Variants in U2SURP observed in about 807,000 individuals in gnomAD.
U2SURP encodes U2 snRNP associated SURP domain containing, also known as U2 snRNP-associated SURP motif-containing protein.
A neutral mutation model predicts 144.9 loss-of-function variants in U2SURP; 9 were observed. The ratio of observed to expected loss-of-function variants is 0.06; its 90% CI spans 0.04 to 0.11. The LOEUF is 0.11. Ranked by LOEUF, U2SURP falls within the 10% of genes least tolerant of loss-of-function variation. The pLI is 1.00. For missense variants in U2SURP, 724 were observed against 1,226.7 expected, an observed-to-expected ratio of 0.59 and a Z score of 6.12; for synonymous variants, 408 against 396.8, an observed-to-expected ratio of 1.03 and a Z score of -0.33.
At chr3:143,010,968 C>T in intron 2 of U2SURP, 109 bp downstream of exon 2, 9 of 755,138 alleles carry the variant, frequency 1.2e-5, no homozygotes, top group Admixed American at 3.5e-5. Context: ...ATTGTATGTG[C>T]TTTTTTCTTT....
intron 4 of U2SURP, among the ~76,000 whole-genome samples, chr3:143,015,738 A>G (rs1936339919): frequency 6.6e-6 from 1 of 152,010 alleles, no homozygotes; most frequent in African/African-American, 2.4e-5. Context: ...TTCTGTTCAT[A>G]CATGTTTTGG....
intron 16 of U2SURP, among the ~76,000 whole-genome samples, chr3:143,030,153 T>A (rs1933396481): frequency 6.6e-6 from 1 of 152,240 alleles, no homozygotes; most frequent in African/African-American, 2.4e-5. Context: ...CTAAATCACA[T>A]TGTCAGTGTA....
At chr3:143,009,320 G>A (rs1366952228) in intron 1 of U2SURP, among the ~76,000 whole-genome samples, 3 of 152,040 alleles carry the variant, frequency 2.0e-5, no homozygotes, top group East Asian at 1.9e-4. Flanking sequence ...AGATGGGGCC[G>A]GGTGCGGTCG....
chr3:143,030,226 G>C (rs1933401329), intron 16 of U2SURP, among the ~76,000 whole-genome samples: 1 of 152,216 alleles, frequency 6.6e-6, no homozygotes, highest in African/African-American at 2.4e-5. Flanking sequence ...GAGAGGGGAA[G>C]TCACTGCCTG....
rs1272904360 is a variant in U2SURP, at chr3:143,014,411, TAATGTTGAA to T, written c.321+8_321+16del. 6.3e-7 allele frequency: 1 copy of T among 1,582,012 alleles called. No individual in the cohort carries two copies. The highest frequency in any genetic ancestry group is 1.4e-5 in the African/African-American group (1 of 73,914). On this transcript the variant is annotated splice_donor_5th_base_variant and intron_variant, in intron 4 of 27. Coordinates refer to ENST00000473835, the MANE Select transcript of U2SURP (RefSeq NM_001080415.2). ...GAACAGGAAGAATTAAAGAAAAAGG[TAATGTTGAA>T]AATGTATTTTGAATTATCCTTGGAA...
At chr3:143,013,011 T>G (rs1283618658) in intron 3 of U2SURP, among the ~76,000 whole-genome samples, 1 of 152,166 alleles carries the variant, frequency 6.6e-6, no homozygotes, top group East Asian at 1.9e-4. Flanking sequence ...GATTTATTTT[T>G]ATAAGAATCC....
At position 143,025,983 on chromosome 3, in the gene U2SURP, A is replaced by G. The variant is rs1047796160; in HGVS notation, c.1275-1166A>G. On this transcript the variant is annotated intron_variant, in intron 13 of 27. Coordinates refer to ENST00000473835, the MANE Select transcript of U2SURP (RefSeq NM_001080415.2). ...TATTTATTTACATTCTAGCAGTTAT[A>G]TGAACGTAATTTGAGCTGGGAATGC... 2.6e-5 allele frequency: 4 copies of G among 152,162 alleles called. No homozygotes were observed. The South Asian group carries it at 6.2e-4, about 24-fold the overall frequency. The allele number at this position is 152,162 out of a possible 1,614,324, so 9.4% of individuals were successfully genotyped here. A position where few individuals can be genotyped will look rare whatever the true frequency, so the allele number is the denominator to read the frequency against.
chr3:143,007,257 A>G (rs935498682), intron 1 of U2SURP, among the ~76,000 whole-genome samples: 1 of 150,346 alleles, frequency 6.7e-6, no homozygotes, highest in African/African-American at 2.5e-5. Context: ...CTGCCTTTTC[A>G]CTTCTTCCTT....
At chr3:143,039,599 A>ATTT (rs10706682) in intron 23 of U2SURP, among the ~76,000 whole-genome samples, 3 of 136,792 alleles carry the variant, frequency 2.2e-5, no homozygotes, top group Admixed American at 7.3e-5. Flanking sequence ...AGGGAGTTGA[A>ATTT]TTTTTTTTTT....
chr3:143,047,826 C>T lies in U2SURP; in HGVS notation c.2545-3113C>T, dbSNP rs573496383. Among the ~76,000 whole-genome samples the T allele has an allele frequency of 8.0e-4, 91 of 113,188 alleles. 2 individuals are homozygous for T. Among genetic ancestry groups the T allele is most frequent in the Admixed American group, 6.5e-3 (73 of 11,158 alleles). The allele number at this position is 113,188 out of a possible 152,430, so 74.3% of individuals were successfully genotyped here. A position where few individuals can be genotyped will look rare whatever the true frequency, so the allele number is the denominator to read the frequency against. ...GCTCCTCACTTCCCAGTAGGGGCGGCCGGGCAGAGGAGCCCCTCACCTCCC... is the reference window on the plus strand; with the variant it reads ...GCTCCTCACTTCCCAGTAGGGGCGGTCGGGCAGAGGAGCCCCTCACCTCCC... On this transcript the variant is annotated intron_variant, in intron 24 of 27. Transcript: ENST00000473835.
In U2SURP at chr3:143,038,831, T is replaced by C. The variant is rs527457242; in HGVS notation, c.2318-63T>C. On this transcript the variant is annotated intron_variant, in intron 22 of 27. Transcript: ENST00000473835. ...TCAATTCTAAAGCTTGAGCTTCCAC[T>C]GTACTACTGAAAAAATGCTAGTTTA... 167 of 1,219,732 alleles carry C rather than the reference T, an allele frequency of 1.4e-4. No individual in the cohort carries two copies. The Middle Eastern group carries it at 1.5e-3, about 11-fold the overall frequency. 75.6% of individuals were successfully genotyped at this position (1,219,732 alleles called of 1,614,324 possible). A position where few individuals can be genotyped will look rare whatever the true frequency, so the allele number is the denominator to read the frequency against.
chr3:143,046,440 T>G (rs549561963), intron 24 of U2SURP, among the ~76,000 whole-genome samples: 8 of 135,306 alleles, frequency 5.9e-5, no homozygotes, highest in Non-Finnish European at 9.4e-5. Context: ...CAAAGGTCTC[T>G]GGTTTTCCTA....
chr3:143,010,689 TC>T (rs2108271464), intron 1 of U2SURP, 125 bp from the exon 2 acceptor site: 1 of 537,130 alleles, frequency 1.9e-6, no homozygotes, highest in African/African-American at 1.9e-5. Context: ...CTGCCTTTGC[TC>T]AGTTTTATTA....
At chr3:143,031,055 TTAGAAG>T (rs1933454397) in intron 16 of U2SURP, among the ~76,000 whole-genome samples, 3 of 152,096 alleles carry the variant, frequency 2.0e-5, no homozygotes, top group Non-Finnish European at 4.4e-5. Flanking sequence ...GGAACTAGAA[TTAGAAG>T]TAGAGCTCAA....
intron 16 of U2SURP, among the ~76,000 whole-genome samples, chr3:143,031,423 G>GCTGCCACCA (rs1560191135): frequency 7.2e-6 from 1 of 138,512 alleles, no homozygotes; most frequent in African/African-American, 2.6e-5. Context: ...AGCTACCACC[G>GCTGCCACCA]CCCTAACCTT....
chr3:143,034,136 G>A (rs1002990392), intron 18 of U2SURP, among the ~76,000 whole-genome samples: 1 of 152,160 alleles, frequency 6.6e-6, no homozygotes. Context: ...GGGCACAGTG[G>A]CTCACGCCTG....
chr3:143,039,810 C>T (rs1934008536), intron 23 of U2SURP, among the ~76,000 whole-genome samples: 1 of 151,752 alleles, frequency 6.6e-6, no homozygotes, highest in Admixed American at 6.6e-5. Flanking sequence ...GATCAATCAG[C>T]AGGCTATAGA....
rs1437732821 is a variant in U2SURP at position 143,058,252 on chromosome 3, A to G, written c.*1802A>G. 6.6e-6 allele frequency: 1 copy of G among 151,974 alleles called. No individual in the cohort carries two copies. Among genetic ancestry groups the G allele is most frequent in the East Asian group, 1.9e-4 (1 of 5,194 alleles). 9.4% of individuals were successfully genotyped at this position (151,974 alleles called of 1,614,324 possible). A position where few individuals can be genotyped will look rare whatever the true frequency, so the allele number is the denominator to read the frequency against. On this transcript the variant is annotated 3_prime_UTR_variant, in exon 28 of 28. Transcript: ENST00000473835. ...GGCATTCCATCTTGCACTGGTTTCT[A>G]GTATAGGCTTAGAAATAATTGGTCA...
intron 21 of U2SURP, 47 bp from the exon 22 acceptor site, chr3:143,038,061 G>A: frequency 7.2e-7 from 1 of 1,390,362 alleles, no homozygotes; most frequent in South Asian, 1.4e-5. Flanking sequence ...TAATACTTCG[G>A]GTCATCCACT....
Sources: allele counts gnomAD v4.1 joint callset (sites outside exome capture counted in the v4.1 genomes callset), GRCh38; gene constraint gnomAD v4.1.1; transcripts MANE v1.5; gene names NCBI Gene and HGNC (gene_info 2026-07-23, HGNC 2026-07-21).